AUTS2: variants seen among roughly 807,000 people sequenced by gnomAD.
AUTS2 encodes the protein activator of transcription and developmental regulator AUTS2.
AUTS2 carries 17 observed loss-of-function variants against 112.4 expected under a neutral mutation model. The ratio of observed to expected loss-of-function variants is 0.15; its 90% CI spans 0.10 to 0.23. The LOEUF is 0.23. Among genes scored for constraint, AUTS2 ranks in the 10% least tolerant of loss-of-function variants. AUTS2 has a pLI of 1.00. For synonymous variants in AUTS2, 751 were observed against 702.7 expected, an observed-to-expected ratio of 1.07 and a Z score of -1.09; for missense variants, 1,510 against 1,701.6, an observed-to-expected ratio of 0.89 and a Z score of 1.98.
intron 5 of AUTS2, among the ~76,000 whole-genome samples, chr7:70,448,278 A>G (rs947817669): frequency 1.3e-5 from 2 of 152,150 alleles, no homozygotes; most frequent in African/African-American, 2.4e-5. Context: ...ACCTGTGTAC[A>G]TGATAGGGTT....
intron 4 of AUTS2, among the ~76,000 whole-genome samples, chr7:70,274,644 G>A (rs927003733): frequency 3.3e-5 from 5 of 152,056 alleles, no homozygotes; most frequent in African/African-American, 9.7e-5. Context: ...GAGAGAGAGC[G>A]CAGGTTGATA....
Position 70,791,021 on chromosome 7 carries a change from G to A in AUTS2, c.*25G>A. On this transcript the variant is annotated 3_prime_UTR_variant, in exon 19 of 19. Transcript: ENST00000342771. The stretch of plus-strand genomic sequence containing the variant: ...AGCCGAGAACAGGAGCAAGAACGAG[G>A]AAGAAGAAACCCTAGGCAGACACCA... 1.4e-6 allele frequency: 2 copies of A among 1,474,646 alleles called. No homozygotes were observed. The highest frequency in any genetic ancestry group is 1.8e-6 in the Non-Finnish European group (2 of 1,116,228). The allele number at this position is 1,474,646 out of a possible 1,614,324, so 91.3% of individuals were successfully genotyped here.
chr7:70,483,898 T>C (rs915999421), intron 5 of AUTS2, among the ~76,000 whole-genome samples: 1 of 152,228 alleles, frequency 6.6e-6, no homozygotes, highest in Admixed American at 6.5e-5. Flanking sequence ...TCTGTCTTCA[T>C]TAATTTAAAG....
At chr7:69,835,224 A>G (rs1791669963) in intron 1 of AUTS2, among the ~76,000 whole-genome samples, 1 of 152,104 alleles carries the variant, frequency 6.6e-6, no homozygotes, top group Admixed American at 6.6e-5. Flanking sequence ...AAAGAGTAAC[A>G]GAGCCTCAGA....
At chr7:69,828,205 C>T (rs1303023123) in intron 1 of AUTS2, among the ~76,000 whole-genome samples, 1 of 152,186 alleles carries the variant, frequency 6.6e-6, no homozygotes, top group Non-Finnish European at 1.5e-5. Context: ...TATATTTCTA[C>T]TCCTTGTCAG....
rs911602190 is a variant in AUTS2, at chr7:69,636,956, G to A, written c.309+36994G>A. Among the ~76,000 whole-genome samples the A allele has an allele frequency of 6.6e-5, 10 of 152,056 alleles. No homozygotes were observed. The East Asian group carries it at 9.7e-4, about 15-fold the overall frequency. On this transcript the variant is annotated intron_variant, in intron 1 of 18. Coordinates refer to ENST00000342771, the MANE Select transcript of AUTS2 (RefSeq NM_015570.4). Reference sequence around the variant, plus strand: ...AATTTTTTGTATTTTTAGTAGAGACGGGGTTTCACCGTGTTAGCCAGGATG... The same window carrying A: ...AATTTTTTGTATTTTTAGTAGAGACAGGGTTTCACCGTGTTAGCCAGGATG...
intron 3 of AUTS2, among the ~76,000 whole-genome samples, chr7:70,122,903 T>C (rs1046482610): frequency 2.7e-5 from 4 of 150,056 alleles, no homozygotes; most frequent in African/African-American, 9.9e-5. Context: ...GACACGGAGT[T>C]TCGCTCTTGT....
At chr7:70,157,692 G>A (rs1474751538) in intron 4 of AUTS2, among the ~76,000 whole-genome samples, 2 of 152,128 alleles carry the variant, frequency 1.3e-5, no homozygotes, top group East Asian at 3.9e-4. Flanking sequence ...AAGATAGCTG[G>A]ATGATGATGA....
At chr7:70,081,045 G>A (rs879505897) in intron 2 of AUTS2, among the ~76,000 whole-genome samples, 1 of 152,148 alleles carries the variant, frequency 6.6e-6, no homozygotes, top group African/African-American at 2.4e-5. Context: ...AGCAGCTAAT[G>A]CGTGAGGATT....
chr7:70,163,220 G>A (rs1450837193), intron 4 of AUTS2, among the ~76,000 whole-genome samples: 5 of 151,716 alleles, frequency 3.3e-5, no homozygotes, highest in South Asian at 2.1e-4. Flanking sequence ...CACCCAGGAC[G>A]AGATGTTCCC....
At position 69,798,560 on chromosome 7, in the gene AUTS2, T is replaced by A. The variant is rs1428015592; in HGVS notation, c.310-100726T>A. On this transcript the variant is annotated intron_variant, in intron 1 of 18. Coordinates refer to ENST00000342771, the MANE Select transcript of AUTS2 (RefSeq NM_015570.4). ...AATTTGATTATGCATTGTCCATATGTTTACATACTGTACTCATAAATGAAG... is the reference window on the plus strand; with the variant it reads ...AATTTGATTATGCATTGTCCATATGATTACATACTGTACTCATAAATGAAG... Among the ~76,000 whole-genome samples the A allele has an allele frequency of 2.0e-5, 3 of 152,206 alleles. No homozygotes were observed. The East Asian group carries it at 5.8e-4, about 29-fold the overall frequency.
chr7:70,257,639 G>A (rs879584739), intron 4 of AUTS2, among the ~76,000 whole-genome samples: 1 of 76,500 alleles, frequency 1.3e-5, no homozygotes, highest in Non-Finnish European at 2.7e-5. Context: ...TTTTTTTTTT[G>A]TAGAGACGGG....
chr7:69,825,255 G>T (rs970670303), intron 1 of AUTS2, among the ~76,000 whole-genome samples: 1 of 152,116 alleles, frequency 6.6e-6, no homozygotes, highest in Non-Finnish European at 1.5e-5. Context: ...TTAAAACAAT[G>T]GTTCTCAACC....
chr7:69,787,733 A>G (rs1189782818), intron 1 of AUTS2, among the ~76,000 whole-genome samples: 1 of 151,960 alleles, frequency 6.6e-6, no homozygotes, highest in South Asian at 2.1e-4. Context: ...TGAAGCCTCT[A>G]TTTTAGTTTC....
At chr7:70,546,788 GA>G (rs200434544) in intron 5 of AUTS2, among the ~76,000 whole-genome samples, 283 of 141,874 alleles carry the variant, frequency 2.0e-3, no homozygotes, top group African/African-American at 2.2e-3. Context: ...CAAAAAAAAA[GA>G]AAAAAAAAAA....
intron 4 of AUTS2, among the ~76,000 whole-genome samples, chr7:70,424,123 C>A (rs1795333903): frequency 6.6e-6 from 1 of 152,132 alleles, no homozygotes; most frequent in African/African-American, 2.4e-5. Context: ...GAATTAAGTT[C>A]CTTTCCAAAC....
intron 2 of AUTS2, among the ~76,000 whole-genome samples, chr7:69,926,122 G>A (rs1301250741): frequency 2.0e-5 from 3 of 152,198 alleles, no homozygotes; most frequent in South Asian, 2.1e-4. Flanking sequence ...TGAGAGGAAC[G>A]TAATTTTCTT....
intron 4 of AUTS2, among the ~76,000 whole-genome samples, chr7:70,156,981 G>A (rs959932087): frequency 2.0e-5 from 3 of 149,264 alleles, no homozygotes; most frequent in Non-Finnish European, 4.4e-5. Context: ...GGAGGCTGAG[G>A]CAGGAGAATC....
intron 2 of AUTS2, among the ~76,000 whole-genome samples, chr7:69,912,060 G>T (rs541249045): frequency 6.6e-6 from 1 of 152,324 alleles, no homozygotes; most frequent in South Asian, 2.1e-4. Context: ...TCCCTCTTGT[G>T]CTCATGGGTG....
Sources: gnomAD v4.1 joint callset for allele counts (sites outside exome capture counted in the v4.1 genomes callset) on GRCh38, gnomAD v4.1.1 for gene constraint, MANE v1.5 for transcripts, NCBI Gene and HGNC (gene_info 2026-07-23, HGNC 2026-07-21) for gene names.